The following CASR variants were observed in gnomAD, a reference collection of about 807,000 sequenced individuals.
The protein encoded by CASR is calcium sensing receptor.
In CASR, 23 loss-of-function variants were observed where a neutral mutation model predicts 69.1. That is an observed-to-expected ratio of 0.33 (90% CI 0.24 to 0.47). The LOEUF is 0.47. Ranked by LOEUF, CASR falls within the 20% of genes least tolerant of loss-of-function variation. The probability of loss-of-function intolerance (pLI) is 1.00; values close to 1 mark genes in which losing one functional copy is unlikely to be tolerated. For synonymous variants in CASR, 541 were observed against 544.7 expected (o/e 0.99, Z 0.10); for missense variants, 924 against 1,356.1 (o/e 0.68, Z 5.00).
intron 1 of CASR, among the ~76,000 whole-genome samples, chr3:122,221,656 C>T (rs2074173119): frequency 6.6e-6 from 1 of 152,124 alleles, no homozygotes; most frequent in African/African-American, 2.4e-5. Flanking sequence ...GTAACAACAA[C>T]AACACAAATC....
chr3:122,184,433 C>T (rs1056170054), intron 1 of CASR: 2 of 152,410 alleles, frequency 1.3e-5, no homozygotes, highest in African/African-American at 4.8e-5. Flanking sequence ...CGGGGCTGCG[C>T]GCAGTCCTGA....
At chr3:122,266,819 G>A (rs146555373) in intron 4 of CASR, among the ~76,000 whole-genome samples, 12,048 of 151,596 alleles carry the variant, frequency 0.079, 615 homozygotes, top group Middle Eastern at 0.13. Context: ...CCTGGGTAAC[G>A]TGGTGAAACC....
At chr3:122,210,226 A>C (rs112854403) in intron 1 of CASR, among the ~76,000 whole-genome samples, 23,784 of 152,146 alleles carry the variant, frequency 0.16, 1,893 homozygotes, top group Non-Finnish European at 0.17. Flanking sequence ...TAGCATTGGA[A>C]GTTCTGGCCA....
At chr3:122,214,938 A>G (rs748240130) in intron 1 of CASR, among the ~76,000 whole-genome samples, 1 of 152,240 alleles carries the variant, frequency 6.6e-6, no homozygotes, top group Non-Finnish European at 1.5e-5. Flanking sequence ...TGTGGAATGC[A>G]TCACTGAGAG....
At chr3:122,192,272 G>A (rs1206350051) in intron 1 of CASR, among the ~76,000 whole-genome samples, 3 of 152,182 alleles carry the variant, frequency 2.0e-5, no homozygotes, top group Admixed American at 2.0e-4. Context: ...CTGTAACTTT[G>A]GAACCTCTCC....
In CASR at chr3:122,275,931, G is replaced by C. The variant is rs2074813113; in HGVS notation, c.1497G>C (p.Glu499Asp). Reference protein sequence around the residue: ...YSIINWHLSPEDGSIVFKEVG... With the variant: ...YSIINWHLSPDDGSIVFKEVG... ...TCATCAACTGGCACCTCTCCCCAGA[G>C]GATGGCTCCATCGTGTTTAAGGAAG... Residue 499 changes from glutamate to aspartate, a missense_variant, in exon 5 of 7, where the codon GAG becomes GAC. Coordinates refer to ENST00000639785, the MANE Select transcript of CASR (RefSeq NM_000388.4). The C allele has an allele frequency of 6.2e-7, 1 of 1,614,096 alleles. No individual in the cohort carries two copies. Among genetic ancestry groups the C allele is most frequent in the Non-Finnish European group, 8.5e-7 (1 of 1,179,940 alleles).
rs563171846 is a variant in CASR at position 122,205,822 on chromosome 3, T to C, written c.-243+22010T>C. Among the ~76,000 whole-genome samples the C allele has an allele frequency of 2.0e-5, 3 of 152,158 alleles. No individual in the cohort carries two copies. The South Asian group carries it at 6.2e-4, about 31-fold the overall frequency. On this transcript the variant is annotated intron_variant, in intron 1 of 6. Transcript: ENST00000639785. ...ATTTATTCCTAGATATTTTATATTC[T>C]TTGTAGCTATTATAAATAGGATTTT...
intron 5 of CASR, among the ~76,000 whole-genome samples, chr3:122,280,346 T>C (rs765933822): frequency 6.6e-6 from 1 of 152,184 alleles, no homozygotes; most frequent in African/African-American, 2.4e-5. Context: ...ATATTGGAAG[T>C]TCTGGCCAGG....
At chr3:122,215,120 G>A (rs2074104851) in intron 1 of CASR, among the ~76,000 whole-genome samples, 2 of 152,206 alleles carry the variant, frequency 1.3e-5, no homozygotes, top group Non-Finnish European at 2.9e-5. Flanking sequence ...CTATGCACTT[G>A]AGAAAGCTGG....
At chr3:122,250,122 G>A (rs193008211) in intron 1 of CASR, among the ~76,000 whole-genome samples, 84 of 152,232 alleles carry the variant, frequency 5.5e-4, no homozygotes, top group African/African-American at 2.0e-3. Context: ...GGAGCTGGAC[G>A]AAGGCACTGG....
Position 122,284,778 on chromosome 3 carries a change from G to A in CASR, c.2824G>A (p.Glu942Lys), listed in dbSNP as rs76327999. ...GCAGCCGCTGGCCCTAACCCAGCAA[G>A]AGCAGCAGCAGCAGCCCCTGACCCT... The part of the protein sequence containing the change: ...QQQPLALTQQ[E>K]QQQQPLTLPQ... The change falls in exon 7 of 7, where the codon GAG (glutamate) becomes AAG (lysine). Residue 942 changes from glutamate (E) to lysine (K), a missense_variant. Glu to Lys is a moderately conservative substitution (Grantham distance 56). Transcript: ENST00000639785. 513 of 1,614,024 alleles carry A rather than the reference G, an allele frequency of 3.2e-4. 2 individuals carry two copies. The East Asian group carries it at 9.4e-3, about 30-fold the overall frequency.
At chr3:122,228,094 T>C (rs568444332) in intron 1 of CASR, among the ~76,000 whole-genome samples, 1 of 152,260 alleles carries the variant, frequency 6.6e-6, no homozygotes, top group South Asian at 2.1e-4. Context: ...TGAGAACTGG[T>C]TCCAGCTGAA....
chr3:122,258,731 TAA>T (rs752038465), intron 3 of CASR, among the ~76,000 whole-genome samples: 2 of 152,202 alleles, frequency 1.3e-5, no homozygotes, highest in Non-Finnish European at 2.9e-5. Flanking sequence ...CAAACCAATA[TAA>T]GTCTATCTAC....
At chr3:122,189,500 T>A (rs570792565) in intron 1 of CASR, among the ~76,000 whole-genome samples, 6 of 152,334 alleles carry the variant, frequency 3.9e-5, no homozygotes, top group Admixed American at 1.3e-4. Context: ...TGATTTTTTT[T>A]CCCTGGGAAC....
At position 122,257,209 on chromosome 3, in the gene CASR, C is replaced by T; in HGVS notation, c.314C>T (p.Ser105Phe). 6.2e-7 allele frequency: 1 copy of T among 1,614,212 alleles called. No homozygotes were observed. The highest frequency in any genetic ancestry group is 8.5e-7 in the Non-Finnish European group (1 of 1,180,026). The change falls in exon 3 of 7, where the codon TCT becomes TTT. Residue 105 changes from serine (S) to phenylalanine (F), a missense_variant. By Grantham distance (155) the Ser-to-Phe change is radical. Coordinates refer to ENST00000639785, the MANE Select transcript of CASR (RefSeq NM_000388.4). ...YRIFDTCNTVSKALEATLSFV... is the reference protein window; with the variant it reads ...YRIFDTCNTVFKALEATLSFV... ...ATATTTGACACTTGCAACACCGTTTCTAAGGCCTTGGAAGCCACCCTGAGT... is the reference window on the plus strand; with the variant it reads ...ATATTTGACACTTGCAACACCGTTTTTAAGGCCTTGGAAGCCACCCTGAGT...
chr3:122,265,426 C>G (rs2074681617), intron 4 of CASR, among the ~76,000 whole-genome samples: 1 of 152,166 alleles, frequency 6.6e-6, no homozygotes, highest in South Asian at 2.1e-4. Flanking sequence ...CTCCTCACAT[C>G]CCTTCCCAGC....
chr3:122,193,455 G>T (rs1417526258), intron 1 of CASR, among the ~76,000 whole-genome samples: 2 of 152,050 alleles, frequency 1.3e-5, no homozygotes, highest in African/African-American at 4.8e-5. Flanking sequence ...GACCTCAAGT[G>T]ATCCATCTGT....
chr3:122,196,149 A>G (rs955143423), intron 1 of CASR, among the ~76,000 whole-genome samples: 2 of 152,198 alleles, frequency 1.3e-5, no homozygotes, highest in African/African-American at 4.8e-5. Flanking sequence ...ATTATAAATA[A>G]TGTGGAAAAA....
At chr3:122,244,957 TATA>T (rs1449222109) in intron 1 of CASR, among the ~76,000 whole-genome samples, 4 of 152,146 alleles carry the variant, frequency 2.6e-5, no homozygotes, top group Non-Finnish European at 5.9e-5. Context: ...TGTCCCTTCA[TATA>T]GCCATTGTTT....
Sources: gnomAD v4.1 joint callset for allele counts (sites outside exome capture counted in the v4.1 genomes callset) on GRCh38, gnomAD v4.1.1 for gene constraint, MANE v1.5 for transcripts, NCBI Gene and HGNC (gene_info 2026-07-23, HGNC 2026-07-21) for gene names.